Variants in KIF13B observed in about 807,000 individuals in gnomAD.
KIF13B encodes kinesin family member 13B.
A neutral mutation model predicts 222.0 loss-of-function variants in KIF13B; 127 were observed. That is an observed-to-expected ratio of 0.57 (90% CI 0.50 to 0.66). The LOEUF (loss-of-function observed/expected upper bound fraction) is 0.66, where lower values mean the gene tolerates loss of function less well. KIF13B is among the 30% of genes least tolerant of loss of function. The pLI is 0.00. For missense variants in KIF13B, 2,173 were observed against 2,379.0 expected (o/e 0.91, Z 1.80); for synonymous variants, 976 against 919.0 (o/e 1.06, Z -1.12).
At chr8:29,255,856 C>T (rs893108414) in intron 1 of KIF13B, among the ~76,000 whole-genome samples, 1 of 151,994 alleles carries the variant, frequency 6.6e-6, no homozygotes, top group African/African-American at 2.4e-5. Context: ...ACTCTTTTGA[C>T]ACATTTTTCC....
chr8:29,170,811 C>T (rs528934782), intron 10 of KIF13B, among the ~76,000 whole-genome samples: 97 of 152,350 alleles, frequency 6.4e-4, no homozygotes, highest in Middle Eastern at 3.4e-3. Context: ...GGCGCAGCGG[C>T]TCACGCCTGT....
chr8:29,109,557 C>T, intron 33 of KIF13B, 46 bp from the exon 34 acceptor site: 1 of 1,506,942 alleles, frequency 6.6e-7, no homozygotes, highest in Non-Finnish European at 9.2e-7. Flanking sequence ...GTAAGAGACA[C>T]ACTGCAAAAG....
intron 2 of KIF13B, among the ~76,000 whole-genome samples, chr8:29,220,817 A>G (rs1392893070): frequency 6.6e-6 from 1 of 152,206 alleles, no homozygotes; most frequent in African/African-American, 2.4e-5. Flanking sequence ...TTAACAAGAA[A>G]TATGAGTATC....
chr8:29,155,459 G>A (rs1205512073), intron 14 of KIF13B, among the ~76,000 whole-genome samples: 1 of 152,186 alleles, frequency 6.6e-6, no homozygotes, highest in East Asian at 1.9e-4. Context: ...CTAGGGCTGT[G>A]GTGAGTGAAC....
Position 29,263,010 on chromosome 8 carries a change from C to T in KIF13B, c.25G>A (p.Ala9Thr). Residue 9 changes from alanine (A) to threonine (T), a missense_variant, in exon 1 of 40, where the codon GCG (alanine) becomes ACG (threonine). By Grantham distance (58) the Ala-to-Thr change is moderately conservative. This residue lies in a region of KIF13B where 1,480 missense variants were observed against 1,722.8 expected (regional missense o/e 0.86). Transcript: ENST00000524189. ...CGGTTCATGGGTCGTATCCGCACCGCCACTTTCACTTTGGAGTCCCCCATC... is the reference window on the plus strand; with the variant it reads ...CGGTTCATGGGTCGTATCCGCACCGTCACTTTCACTTTGGAGTCCCCCATC... MGDSKVKV[A>T]VRIRPMNRRE... The T allele has an allele frequency of 1.9e-6, 3 of 1,600,002 alleles. No homozygotes were observed. The highest frequency in any genetic ancestry group is 2.6e-6 in the Non-Finnish European group (3 of 1,174,530).
intron 36 of KIF13B, among the ~76,000 whole-genome samples, 155 bp from the exon 37 acceptor site, chr8:29,093,033 C>T (rs1336109454): frequency 6.6e-6 from 1 of 152,196 alleles, no homozygotes; most frequent in African/African-American, 2.4e-5. Context: ...TTGTAGTTTA[C>T]ATAATTTCCC....
rs1305124823 is a variant in KIF13B at position 29,140,065 on chromosome 8, T to C, written c.2611A>G (p.Met871Val). 4 of 1,583,194 alleles carry C rather than the reference T, an allele frequency of 2.5e-6. No individual in the cohort carries two copies. The Admixed American group carries it at 5.5e-5, about 22-fold the overall frequency. ...KETQENKLVC[M>V]VKILQATGLP... ...ACTAGGATGAAGCTGGGACTTACCA[T>C]GCACACCAGTTTGTTCTCCTGGGTC... Residue 871 changes from methionine to valine, a missense_variant and splice_region_variant, in exon 21 of 40, where the codon ATG becomes GTG. Physicochemically the swap from Met to Val is conservative, Grantham distance 21 (BLOSUM62 1). This residue lies in a region of KIF13B where 1,480 missense variants were observed against 1,722.8 expected (regional missense o/e 0.86). Coordinates refer to ENST00000524189, the MANE Select transcript of KIF13B (RefSeq NM_015254.4).
At chr8:29,254,191 C>T (rs921894111) in intron 1 of KIF13B, among the ~76,000 whole-genome samples, 3 of 152,188 alleles carry the variant, frequency 2.0e-5, no homozygotes, top group Non-Finnish European at 2.9e-5. Flanking sequence ...AAAACTCCAA[C>T]TGGATCAAAG....
At chr8:29,130,747 T>A in intron 23 of KIF13B, 82 bp from the exon 24 acceptor site, 1 of 1,308,564 alleles carries the variant, frequency 7.6e-7, no homozygotes, top group Non-Finnish European at 1.1e-6. Flanking sequence ...ACATAAGAAT[T>A]AACAATGAAA....
At chr8:29,257,956 CAGT>C (rs1435984876) in intron 1 of KIF13B, among the ~76,000 whole-genome samples, 1 of 152,198 alleles carries the variant, frequency 6.6e-6, no homozygotes, top group Non-Finnish European at 1.5e-5. Flanking sequence ...ACTGAGTTGA[CAGT>C]AGAAACAAAA....
chr8:29,203,147 G>A (rs991027558), intron 2 of KIF13B, among the ~76,000 whole-genome samples: 2 of 152,116 alleles, frequency 1.3e-5, no homozygotes, highest in Non-Finnish European at 2.9e-5. Flanking sequence ...CTTCCTTTAC[G>A]GGAATGTCCA....
intron 3 of KIF13B, among the ~76,000 whole-genome samples, chr8:29,191,799 AT>A (rs1813202190): frequency 6.6e-6 from 1 of 152,262 alleles, no homozygotes; most frequent in South Asian, 2.1e-4. Context: ...GCAAAGGCAA[AT>A]TTTTCACTGA....
Position 29,071,565 on chromosome 8 carries a change from C to G in KIF13B, c.5218+55G>C. ...TGTCCCCTCCCAGGCCGGCCACGTTCCTGCTTCCCCAGACCCCCGGCACCA... is the reference window on the plus strand; with the variant it reads ...TGTCCCCTCCCAGGCCGGCCACGTTGCTGCTTCCCCAGACCCCCGGCACCA... On this transcript the variant is annotated intron_variant, in intron 39 of 39. Transcript: ENST00000524189. The surrounding 1 kb of genome is among the most constrained non-coding windows in gnomAD (Gnocchi z 4.9). 2 of 1,474,342 alleles carry G rather than the reference C, an allele frequency of 1.4e-6. No homozygotes were observed. The highest frequency in any genetic ancestry group is 2.4e-5 in the South Asian group (2 of 82,472). 91.3% of individuals were successfully genotyped at this position (1,474,342 alleles called of 1,614,324 possible).
intron 1 of KIF13B, among the ~76,000 whole-genome samples, chr8:29,249,726 T>G (rs1816198646): frequency 6.6e-6 from 1 of 152,228 alleles, no homozygotes. Flanking sequence ...CAAAAAGTAC[T>G]AAGTAGTTAG....
chr8:29,192,247 A>G (rs1454671642), intron 3 of KIF13B, among the ~76,000 whole-genome samples: 1 of 152,176 alleles, frequency 6.6e-6, no homozygotes, highest in Non-Finnish European at 1.5e-5. Context: ...CAGTTTTCAC[A>G]TGGTGAGCCT....
chr8:29,215,774 C>T (rs6993134), intron 2 of KIF13B, among the ~76,000 whole-genome samples: 20,167 of 152,084 alleles, frequency 0.13, 1,490 homozygotes, highest in South Asian at 0.15. Flanking sequence ...TCTTTGAATG[C>T]TTGAAGGACA....
At chr8:29,157,594 A>G (rs1485401095) in intron 13 of KIF13B, among the ~76,000 whole-genome samples, 1 of 151,712 alleles carries the variant, frequency 6.6e-6, no homozygotes, top group East Asian at 1.9e-4. Context: ...AATCATAGCT[A>G]CTCGGGAGGC....
At chr8:29,177,135 G>T (rs991808456) in intron 9 of KIF13B, among the ~76,000 whole-genome samples, 4 of 152,136 alleles carry the variant, frequency 2.6e-5, no homozygotes, top group Non-Finnish European at 5.9e-5. Context: ...ACACCTGGGG[G>T]TGGGGGAAGA....
Position 29,070,004 on chromosome 8 carries a change from T to G in KIF13B, c.*500A>C, listed in dbSNP as rs2133456654. The G allele has an allele frequency of 8.6e-6, 1 of 116,312 alleles. No individual in the cohort carries two copies. 7.2% of individuals were successfully genotyped at this position (116,312 alleles called of 1,614,324 possible). Reference sequence around the variant, plus strand: ...GGCTGGGGGGTCCCCCAGAGGCACTTTGCGGGAAACTGGGACCAGGGTGGG... The same window carrying G: ...GGCTGGGGGGTCCCCCAGAGGCACTGTGCGGGAAACTGGGACCAGGGTGGG... On this transcript the variant is annotated 3_prime_UTR_variant, in exon 40 of 40. Transcript: ENST00000524189. This position sits in a 1 kb window ranked among gnomAD's most constrained non-coding sequence, Gnocchi z 4.1.
Sources: allele counts gnomAD v4.1 joint callset (sites outside exome capture counted in the v4.1 genomes callset), GRCh38; gene constraint gnomAD v4.1.1; regional missense constraint gnomAD v4.1.1; non-coding constraint Gnocchi (gnomAD v3.1); transcripts MANE v1.5; gene names NCBI Gene and HGNC (gene_info 2026-07-23, HGNC 2026-07-21).